WBP1L: variants seen among roughly 807,000 people sequenced by gnomAD.
WBP1L encodes WW domain binding protein 1 like.
WBP1L carries 17 observed loss-of-function variants against 33.7 expected under a neutral mutation model. That is an observed-to-expected ratio of 0.50 (90% CI 0.34 to 0.76). WBP1L has a LOEUF of 0.76. WBP1L is among the 30% of genes least tolerant of loss of function. The pLI, the probability that WBP1L is intolerant of heterozygous loss-of-function variation, is 0.01. For synonymous variants in WBP1L, 173 were observed against 190.8 expected (o/e 0.91, Z 0.77); for missense variants, 389 against 469.4 (o/e 0.83, Z 1.58).
At chr10:102,759,424 CTG>C (rs1843012429) in intron 1 of WBP1L, among the ~76,000 whole-genome samples, 1 of 152,194 alleles carries the variant, frequency 6.6e-6, no homozygotes, top group Non-Finnish European at 1.5e-5. Flanking sequence ...ATGATCATCT[CTG>C]TATCTAATTT....
chr10:102,770,572 C>T lies in WBP1L; in HGVS notation c.90+26429C>T, dbSNP rs1412132684. 2.6e-5 allele frequency among the ~76,000 whole-genome samples: 4 copies of T among 152,214 alleles called. No homozygotes were observed. In the East Asian group the frequency reaches 7.7e-4, roughly 29 times the overall value. ...AACAGCTCACCAGGTTCCCAAGAGC[C>T]ATGTCCTAGGAAGGTCTCCAGCCTA... On this transcript the variant is annotated intron_variant, in intron 1 of 3. Coordinates refer to ENST00000448841, the MANE Select transcript of WBP1L (RefSeq NM_001083913.2).
At chr10:102,798,969 C>G (rs1406529102) in intron 2 of WBP1L, among the ~76,000 whole-genome samples, 1 of 152,210 alleles carries the variant, frequency 6.6e-6, no homozygotes, top group African/African-American at 2.4e-5. Flanking sequence ...ATTTCTTACC[C>G]AGTTCTCACA....
Position 102,763,393 on chromosome 10 carries a change from G to A in WBP1L, c.90+19250G>A, listed in dbSNP as rs777910635. 2.6e-5 allele frequency among the ~76,000 whole-genome samples: 4 copies of A among 152,044 alleles called. No individual in the cohort carries two copies. The East Asian group carries it at 5.8e-4, about 22-fold the overall frequency. On this transcript the variant is annotated intron_variant, in intron 1 of 3. Transcript: ENST00000448841. The stretch of plus-strand genomic sequence containing the variant: ...GCTTATACATTGTGACTCCACAAAC[G>A]AGATGGTAGACTTTGATTACATGGG...
chr10:102,802,113 C>CTCCT (rs35674135), intron 2 of WBP1L, among the ~76,000 whole-genome samples: 21,897 of 67,626 alleles, frequency 0.32, 4,464 homozygotes, highest in Non-Finnish European at 0.4. Flanking sequence ...CTTCCACCTT[C>CTCCT]TCCTTCCTTC....
chr10:102,764,557 A>C (rs1026472796), intron 1 of WBP1L, among the ~76,000 whole-genome samples: 1 of 152,168 alleles, frequency 6.6e-6, no homozygotes, highest in African/African-American at 2.4e-5. Flanking sequence ...CAAAGGGTTC[A>C]GCGTCCCCTG....
chr10:102,765,584 T>TAA (rs1843095927), intron 1 of WBP1L, among the ~76,000 whole-genome samples: 1 of 152,192 alleles, frequency 6.6e-6, no homozygotes, highest in Non-Finnish European at 1.5e-5. Context: ...GTGACGATCT[T>TAA]TTCTTGAGGG....
intron 2 of WBP1L, 71 bp from the exon 3 acceptor site, chr10:102,809,822 C>G (rs1843802393): frequency 3.3e-6 from 5 of 1,530,200 alleles, no homozygotes; most frequent in African/African-American, 2.8e-5. Context: ...AGGGACCTCC[C>G]TGTTCCGCAA....
chr10:102,753,325 C>G (rs1275870863), intron 1 of WBP1L, among the ~76,000 whole-genome samples: 1 of 152,190 alleles, frequency 6.6e-6, no homozygotes, highest in South Asian at 2.1e-4. Flanking sequence ...TTTGAAACAT[C>G]CTTTTCAGTT....
intron 1 of WBP1L, among the ~76,000 whole-genome samples, chr10:102,791,778 CTTAAACT>C (rs1843502033): frequency 6.6e-6 from 1 of 152,338 alleles, no homozygotes; most frequent in East Asian, 1.9e-4. Flanking sequence ...ATTTTTCACT[CTTAAACT>C]TTAAAGTGTT....
At chr10:102,768,641 G>A (rs59252538) in intron 1 of WBP1L, among the ~76,000 whole-genome samples, 2 of 33,178 alleles carry the variant, frequency 6.0e-5, no homozygotes, top group African/African-American at 3.2e-4. Context: ...CACCCGCCTC[G>A]GCCTCCCAAA....
chr10:102,762,001 C>A (rs1194346492), intron 1 of WBP1L, among the ~76,000 whole-genome samples: 1 of 152,136 alleles, frequency 6.6e-6, no homozygotes, highest in Non-Finnish European at 1.5e-5. Flanking sequence ...GTGTGTGCCA[C>A]CACATCTAGC....
chr10:102,772,199 C>T lies in WBP1L; in HGVS notation c.91-25794C>T, dbSNP rs181040427. Among the ~76,000 whole-genome samples, 716 of 151,394 alleles carry T rather than the reference C, an allele frequency of 4.7e-3. 9 individuals are homozygous for T. The highest frequency in any genetic ancestry group is 0.022 in the Admixed American group (339 of 15,128). ...GGTCTTGATCTCCCGACTTCGTGAT[C>T]CACCCGCCTCTGCCTCCTAAAGTGC... On this transcript the variant is annotated intron_variant, in intron 1 of 3. Transcript: ENST00000448841.
At chr10:102,779,339 C>T (rs1843306935) in intron 1 of WBP1L, among the ~76,000 whole-genome samples, 1 of 151,560 alleles carries the variant, frequency 6.6e-6, no homozygotes, top group Admixed American at 6.6e-5. Flanking sequence ...TTCTTGTCAC[C>T]CAGGCTGGAG....
rs1448031962 is a variant in WBP1L at position 102,813,340 on chromosome 10, C to G, written c.*9C>G. 6.3e-7 allele frequency: 1 copy of G among 1,591,928 alleles called. No individual in the cohort carries two copies. The highest frequency in any genetic ancestry group is 8.6e-7 in the Non-Finnish European group (1 of 1,166,980). ...GCAGCTCCCCCAGCTAGAGCAGGTC[C>G]TGCCAGCACCCAGCAACTTGGCAAA... is the stretch of plus-strand genomic sequence containing the variant. On this transcript the variant is annotated 3_prime_UTR_variant, in exon 4 of 4. Coordinates refer to ENST00000448841, the MANE Select transcript of WBP1L (RefSeq NM_001083913.2).
At position 102,813,461 on chromosome 10, in the gene WBP1L, TCTC is replaced by T. The variant is rs1011100303; in HGVS notation, c.*134_*136del. ...TTGGTTCCTTTTTGTTTGTTTTCCT[TCTC>T]CTCTCCTGCATTTTCCTCCATCTCC... On this transcript the variant is annotated 3_prime_UTR_variant, in exon 4 of 4. Coordinates refer to ENST00000448841, the MANE Select transcript of WBP1L (RefSeq NM_001083913.2). 7.9e-6 allele frequency: 10 copies of T among 1,264,364 alleles called. No homozygotes were observed. In the East Asian group the frequency reaches 1.0e-4, roughly 13 times the overall value. 78.3% of individuals were successfully genotyped at this position (1,264,364 alleles called of 1,614,324 possible).
intron 3 of WBP1L, among the ~76,000 whole-genome samples, chr10:102,812,164 A>C (rs1183924926): frequency 6.6e-6 from 1 of 152,214 alleles, no homozygotes; most frequent in Admixed American, 6.5e-5. Flanking sequence ...GTAGTTAAGA[A>C]GTCTGAAGTT....
intron 1 of WBP1L, among the ~76,000 whole-genome samples, chr10:102,788,077 G>GAA (rs1197997523): frequency 2.9e-5 from 4 of 136,836 alleles, no homozygotes; most frequent in Admixed American, 2.2e-4. Flanking sequence ...CCTGCCTCAG[G>GAA]AAAAAAAAAA....
intron 1 of WBP1L, among the ~76,000 whole-genome samples, chr10:102,750,600 C>G (rs1044414289): frequency 2.6e-5 from 4 of 151,820 alleles, no homozygotes; most frequent in African/African-American, 9.7e-5. Flanking sequence ...CTCCAGAGTT[C>G]AAGCGCTTCT....
chr10:102,785,859 G>C (rs1322774524), intron 1 of WBP1L, among the ~76,000 whole-genome samples: 2 of 152,226 alleles, frequency 1.3e-5, no homozygotes, highest in Non-Finnish European at 2.9e-5. Context: ...TTCCTTCTAA[G>C]TGTCCAGGGG....
Sources: allele counts gnomAD v4.1 joint callset (sites outside exome capture counted in the v4.1 genomes callset), GRCh38; gene constraint gnomAD v4.1.1; transcripts MANE v1.5; gene names NCBI Gene and HGNC (gene_info 2026-07-23, HGNC 2026-07-21).